The following SERP1 variants were observed in gnomAD, a reference collection of about 807,000 sequenced individuals.
SERP1 encodes stress-associated endoplasmic reticulum protein 1.
SERP1 carries 6 observed loss-of-function variants against 8.8 expected under a neutral mutation model. That is an observed-to-expected ratio of 0.68 (90% confidence interval 0.37 to 1.35). SERP1 has a LOEUF of 1.35. Ranked by LOEUF, SERP1 falls within the 40% of genes most tolerant of loss-of-function variation. The pLI, the probability that SERP1 is intolerant of heterozygous loss-of-function variation, is 0.02. For synonymous variants in SERP1, 36 were observed against 28.7 expected (o/e 1.25, Z -0.81); for missense variants, 52 against 86.2 (o/e 0.60, Z 1.57).
intron 1 of SERP1, 96 bp downstream of exon 1, chr3:150,545,956 C>A: frequency 6.6e-7 from 1 of 1,520,188 alleles, no homozygotes; most frequent in Non-Finnish European, 9.0e-7. Context: ...CACCAGCCCA[C>A]GGTCGGCCGG....
chr3:150,545,917 C>A (rs1421312783), intron 1 of SERP1, 135 bp downstream of exon 1: 10 of 1,366,612 alleles, frequency 7.3e-6, no homozygotes, highest in Non-Finnish European at 1.0e-5. Context: ...TCTGGCGGTT[C>A]GCAGACTCGG....
Position 150,545,935 on chromosome 3 carries a change from C to G in SERP1, c.84+117G>C, listed in dbSNP as rs990254770. ...GGCGGTTCGCAGACTCGGGCCCCTA[C>G]CCCTCCACGGCACCAGCCCACGGTC... On this transcript the variant is annotated intron_variant, in intron 1 of 2. Transcript: ENST00000239944. 5.6e-6 allele frequency: 8 copies of G among 1,429,510 alleles called. No homozygotes were observed. The African/African-American group carries it at 9.8e-5, about 18-fold the overall frequency. The allele number at this position is 1,429,510 out of a possible 1,614,324, so 88.6% of individuals were successfully genotyped here.
intron 2 of SERP1, 174 bp downstream of exon 2, chr3:150,545,529 C>T (rs1722968954): frequency 1.6e-6 from 1 of 632,322 alleles, no homozygotes; most frequent in Non-Finnish European, 2.8e-6. Context: ...GGAGCACCAC[C>T]CTCTGTGCAT....
At chr3:150,545,971 G>T (rs777735691) in intron 1 of SERP1, 81 bp downstream of exon 1, 2 of 1,567,022 alleles carry the variant, frequency 1.3e-6, no homozygotes, top group Non-Finnish European at 1.7e-6. Context: ...GGCCGGATCC[G>T]GGAGAAAACG....
rs540787825 is a variant in SERP1, at chr3:150,542,697, T to G, written c.*1761A>C. 1 of 152,710 alleles carries G rather than the reference T, an allele frequency of 6.5e-6. No individual in the cohort carries two copies. Among genetic ancestry groups the G allele is most frequent in the Admixed American group, 6.5e-5 (1 of 15,288 alleles). 9.5% of individuals were successfully genotyped at this position (152,710 alleles called of 1,614,324 possible). A position where few individuals can be genotyped will look rare whatever the true frequency, so the allele number is the denominator to read the frequency against. On this transcript the variant is annotated 3_prime_UTR_variant, in exon 3 of 3. Coordinates refer to ENST00000239944, the MANE Select transcript of SERP1 (RefSeq NM_014445.4). ...TAGCTATAGCAATTTAACAGTCAAA[T>G]TTATCAGAACATTGTACATTAAAAA...
rs957414076 is a variant in SERP1 at position 150,545,890 on chromosome 3, T to A, written c.85-112A>T. 70 of 1,350,516 alleles carry A rather than the reference T, an allele frequency of 5.2e-5. No individual in the cohort carries two copies. In the African/African-American group the frequency reaches 7.3e-4, roughly 14 times the overall value. 83.7% of individuals were successfully genotyped at this position (1,350,516 alleles called of 1,614,324 possible). A position where few individuals can be genotyped will look rare whatever the true frequency, so the allele number is the denominator to read the frequency against. On this transcript the variant is annotated intron_variant, in intron 1 of 2. Transcript: ENST00000239944. ...CTCACCTCACAGGTCTCCCCTTCCG[T>A]TCCCGAGCCCCCACAGTCTGGCGGT...
At position 150,546,260 on chromosome 3, in the gene SERP1, A is replaced by C; in HGVS notation, c.-125T>G. ...GCCGGAGCGCCGAGGTTCTCAGGCCAGACGCTAGCTACGGCCGCTGGGCCT... is the reference window on the plus strand; with the variant it reads ...GCCGGAGCGCCGAGGTTCTCAGGCCCGACGCTAGCTACGGCCGCTGGGCCT... On this transcript the variant is annotated 5_prime_UTR_variant, in exon 1 of 3. Coordinates refer to ENST00000239944, the MANE Select transcript of SERP1 (RefSeq NM_014445.4). 1 of 1,096,760 alleles carries C rather than the reference A, an allele frequency of 9.1e-7. No individual in the cohort carries two copies. The allele number at this position is 1,096,760 out of a possible 1,614,324, so 67.9% of individuals were successfully genotyped here.
Position 150,542,080 on chromosome 3 carries a change from C to T in SERP1, c.*2378G>A, listed in dbSNP as rs760489226. ...AATGGAAATCTTATTTTTGGAAGTC[C>T]ACTTAATTATTTTGAGCAACATTAT... is the stretch of plus-strand genomic sequence containing the variant. On this transcript the variant is annotated 3_prime_UTR_variant, in exon 3 of 3. Coordinates refer to ENST00000239944, the MANE Select transcript of SERP1 (RefSeq NM_014445.4). The T allele has an allele frequency of 1.3e-5, 2 of 152,142 alleles. No homozygotes were observed. The highest frequency in any genetic ancestry group is 2.9e-5 in the Non-Finnish European group (2 of 68,016). The allele number at this position is 152,142 out of a possible 1,614,324, so 9.4% of individuals were successfully genotyped here.
intron 1 of SERP1, 62 bp from the exon 2 acceptor site, chr3:150,545,840 C>T: frequency 6.6e-7 from 1 of 1,503,976 alleles, no homozygotes; most frequent in South Asian, 1.2e-5. Flanking sequence ...CAGGCTCCCA[C>T]GCCTGCACGC....
rs886462007 is a variant in SERP1, at chr3:150,543,613, C to T, written c.*845G>A. The T allele has an allele frequency of 3.9e-5, 6 of 152,524 alleles. No individual in the cohort carries two copies. Among genetic ancestry groups the T allele is most frequent in the African/African-American group, 1.4e-4 (6 of 41,426 alleles). The allele number at this position is 152,524 out of a possible 1,614,324, so 9.4% of individuals were successfully genotyped here. A position where few individuals can be genotyped will look rare whatever the true frequency, so the allele number is the denominator to read the frequency against. ...GGCATCCATTTTTAGCAGTATTTTT[C>T]CCTAGAATTTTGTTTGGCATAGTAA... On this transcript the variant is annotated 3_prime_UTR_variant, in exon 3 of 3. Coordinates refer to ENST00000239944, the MANE Select transcript of SERP1 (RefSeq NM_014445.4).
In SERP1 at chr3:150,542,163, CAA is replaced by C. The variant is rs1169664088; in HGVS notation, c.*2293_*2294del. 2 of 152,172 alleles carry C rather than the reference CAA, an allele frequency of 1.3e-5. No individual in the cohort carries two copies. The highest frequency in any genetic ancestry group is 6.5e-5 in the Admixed American group (1 of 15,276). The allele number at this position is 152,172 out of a possible 1,614,324, so 9.4% of individuals were successfully genotyped here. ...TTGTTGAAATGTTAGAGTTAAACCA[CAA>C]AGAGTAACTGAGTAATGTTGACAAC... On this transcript the variant is annotated 3_prime_UTR_variant, in exon 3 of 3. Coordinates refer to ENST00000239944, the MANE Select transcript of SERP1 (RefSeq NM_014445.4).
At chr3:150,545,854 T>G in intron 1 of SERP1, 76 bp from the exon 2 acceptor site, 1 of 1,465,658 alleles carries the variant, frequency 6.8e-7, no homozygotes, top group Non-Finnish European at 9.3e-7. Context: ...TGCACGCCGG[T>G]CGCCGGCCCC....
intron 2 of SERP1, chr3:150,545,301 G>T (rs1722960831): frequency 1.1e-5 from 3 of 279,068 alleles, no homozygotes; most frequent in Non-Finnish European, 2.0e-5. Flanking sequence ...TTGACATTAA[G>T]ACATTAGATT....
rs1212319465 is a variant in SERP1, at chr3:150,544,633, T to G, written c.161-135A>C. 6.5e-6 allele frequency: 4 copies of G among 619,990 alleles called. No homozygotes were observed. In the African/African-American group the frequency reaches 7.5e-5, roughly 12 times the overall value. The allele number at this position is 619,990 out of a possible 1,614,324, so 38.4% of individuals were successfully genotyped here. On this transcript the variant is annotated intron_variant, in intron 2 of 2. Transcript: ENST00000239944. ...CAAATGGTACATAACTTCAGTATAA[T>G]AAGAAGTGAAGACAGGCCTGTCTGA...
Position 150,542,813 on chromosome 3 carries a change from C to T in SERP1, c.*1645G>A, listed in dbSNP as rs1722901846. ...TTGACTAAAAGCAAAGAATAAGGCA[C>T]CTGCTATGAATTTAGCACAACCATA... On this transcript the variant is annotated 3_prime_UTR_variant, in exon 3 of 3. Transcript: ENST00000239944. 1 of 152,538 alleles carries T rather than the reference C, an allele frequency of 6.6e-6. No homozygotes were observed. The allele number at this position is 152,538 out of a possible 1,614,324, so 9.4% of individuals were successfully genotyped here. A position where few individuals can be genotyped will look rare whatever the true frequency, so the allele number is the denominator to read the frequency against.
intron 2 of SERP1, among the ~76,000 whole-genome samples, chr3:150,545,245 G>C (rs924768586): frequency 7.2e-5 from 11 of 152,010 alleles, no homozygotes; most frequent in Non-Finnish European, 1.2e-4. Context: ...CCTCTATAGT[G>C]AATCAATTCT....
chr3:150,546,223 G>A lies in SERP1; in HGVS notation c.-88C>T. 6 of 1,462,792 alleles carry A rather than the reference G, an allele frequency of 4.1e-6. No homozygotes were observed. In the South Asian group the frequency reaches 6.9e-5, roughly 17 times the overall value. 90.6% of individuals were successfully genotyped at this position (1,462,792 alleles called of 1,614,324 possible). On this transcript the variant is annotated 5_prime_UTR_variant, in exon 1 of 3. Transcript: ENST00000239944. ...GGAGCCGCTGCGAGGCTCGGCTCGT[G>A]GTGCCCGCGCCGCCGGAGCGCCGAG... is the stretch of plus-strand genomic sequence containing the variant.
In SERP1 at chr3:150,546,321, G is replaced by GCGCCGGC. The variant is rs1233614471; in HGVS notation, c.-193_-187dup. On this transcript the variant is annotated 5_prime_UTR_variant, in exon 1 of 3. Coordinates refer to ENST00000239944, the MANE Select transcript of SERP1 (RefSeq NM_014445.4). Reference sequence around the variant, plus strand: ...AGCGCGAGGTCTGAGCACAAGCCGGGCGCCGGCCGCCGACTGACTGACCGA... The same window carrying GCGCCGGC: ...AGCGCGAGGTCTGAGCACAAGCCGGGCGCCGGCCGCCGGCCGCCGACTGACTGACCGA... 8.0e-6 allele frequency: 5 copies of GCGCCGGC among 628,458 alleles called. No homozygotes were observed. Among genetic ancestry groups the GCGCCGGC allele is most frequent in the East Asian group, 3.1e-5 (1 of 32,774 alleles). The allele number at this position is 628,458 out of a possible 1,614,324, so 38.9% of individuals were successfully genotyped here. A position where few individuals can be genotyped will look rare whatever the true frequency, so the allele number is the denominator to read the frequency against.
At position 150,545,846 on chromosome 3, in the gene SERP1, C is replaced by A. The variant is rs1403756642; in HGVS notation, c.85-68G>T. On this transcript the variant is annotated intron_variant, in intron 1 of 2. Transcript: ENST00000239944. Reference sequence around the variant, plus strand: ...CTCGGACCCCAGGCTCCCACGCCTGCACGCCGGTCGCCGGCCCCCTCACCT... The same window carrying A: ...CTCGGACCCCAGGCTCCCACGCCTGAACGCCGGTCGCCGGCCCCCTCACCT... 5 of 1,494,336 alleles carry A rather than the reference C, an allele frequency of 3.3e-6. No individual in the cohort carries two copies. In the East Asian group the frequency reaches 7.3e-5, roughly 22 times the overall value. The allele number at this position is 1,494,336 out of a possible 1,614,324, so 92.6% of individuals were successfully genotyped here.
Sources: allele counts gnomAD v4.1 joint callset (sites outside exome capture counted in the v4.1 genomes callset), GRCh38; gene constraint gnomAD v4.1.1; transcripts MANE v1.5; gene names NCBI Gene and HGNC (gene_info 2026-07-23, HGNC 2026-07-21).